The following DOCK10 variants were observed in gnomAD, a reference collection of about 807,000 sequenced individuals.
DOCK10 encodes the protein dedicator of cytokinesis protein 10.
Under a neutral mutation model 280.1 loss-of-function variants are expected in DOCK10, and 145 were observed. The ratio of observed to expected loss-of-function variants is 0.52; its 90% CI spans 0.45 to 0.59. DOCK10 has a LOEUF of 0.59. Among genes scored for constraint, DOCK10 ranks in the 20% least tolerant of loss-of-function variants. DOCK10 has a pLI of 0.00. For synonymous variants in DOCK10, 915 were observed against 942.2 expected (o/e 0.97, Z 0.53); for missense variants, 2,368 against 2,651.7 (o/e 0.89, Z 2.35).
intron 16 of DOCK10, among the ~76,000 whole-genome samples, chr2:224,854,675 G>T (rs1366407538): frequency 6.6e-6 from 1 of 152,172 alleles, no homozygotes; most frequent in Admixed American, 6.5e-5. Context: ...CTTGTTAGGT[G>T]CATGGTGCAT....
In DOCK10 at chr2:224,852,377, C is replaced by CT; in HGVS notation, c.2141dup (p.Cys715ValfsTer31). ...GGGTCCCTTTGCTGACTTGGCTCAC[C>CT]TTCAGGGGCTTGGCACTTTCTTCAT... is the stretch of plus-strand genomic sequence containing the variant. On this transcript the variant is annotated frameshift_variant and splice_region_variant, in exon 18 of 56. Transcript: ENST00000258390. LOFTEE classifies it high-confidence loss of function. 1 of 1,569,626 alleles carries CT rather than the reference C, an allele frequency of 6.4e-7. No individual in the cohort carries two copies. Among genetic ancestry groups the CT allele is most frequent in the South Asian group, 1.2e-5 (1 of 85,124 alleles).
chr2:224,946,840 T>C, intron 1 of DOCK10: 1 of 1,514,184 alleles, frequency 6.6e-7, no homozygotes, highest in Non-Finnish European at 8.8e-7. Flanking sequence ...GACATTTGGA[T>C]ACCTACAGAA....
At chr2:224,877,009 A>T (rs1698669766) in intron 7 of DOCK10, among the ~76,000 whole-genome samples, 1 of 152,178 alleles carries the variant, frequency 6.6e-6, no homozygotes, top group South Asian at 2.1e-4. Context: ...CAACCCACAA[A>T]GCCTTTTTCT....
At chr2:224,809,829 T>G (rs1179585117) in intron 31 of DOCK10, among the ~76,000 whole-genome samples, 1 of 151,960 alleles carries the variant, frequency 6.6e-6, no homozygotes, top group East Asian at 1.9e-4. Flanking sequence ...GATCTAGCAA[T>G]CCAACTTCTG....
intron 1 of DOCK10, among the ~76,000 whole-genome samples, chr2:224,988,470 T>G (rs1022009514): frequency 3.9e-5 from 6 of 152,204 alleles, no homozygotes; most frequent in Non-Finnish European, 8.8e-5. Flanking sequence ...TCGGGATACA[T>G]GTACACCTCC....
At chr2:224,936,335 T>C (rs1392006811) in intron 1 of DOCK10, among the ~76,000 whole-genome samples, 1 of 152,116 alleles carries the variant, frequency 6.6e-6, no homozygotes, top group South Asian at 2.1e-4. Flanking sequence ...CAAGCACTGG[T>C]ACAAAAGGAA....
chr2:224,807,891 G>A lies in DOCK10; in HGVS notation c.3585+20C>T. The A allele has an allele frequency of 1.9e-6, 3 of 1,605,048 alleles. No homozygotes were observed. Among genetic ancestry groups the A allele is most frequent in the East Asian group, 4.5e-5 (2 of 44,652 alleles). The stretch of plus-strand genomic sequence containing the variant: ...GCCATTAAATGGTGTTTAGGGAAGG[G>A]AGAAAGGAAGATCACTTACTGGCTC... On this transcript the variant is annotated intron_variant, in intron 32 of 55. Coordinates refer to ENST00000258390, the MANE Select transcript of DOCK10 (RefSeq NM_014689.3).
chr2:224,913,258 T>C (rs1162487765), intron 3 of DOCK10, among the ~76,000 whole-genome samples: 1 of 152,184 alleles, frequency 6.6e-6, no homozygotes, highest in Non-Finnish European at 1.5e-5. Context: ...TCTTTCACTA[T>C]ATTGTTATTA....
intron 14 of DOCK10, chr2:224,860,728 C>T (rs1197508320): frequency 6.6e-6 from 1 of 151,942 alleles, no homozygotes; most frequent in Admixed American, 6.6e-5. Flanking sequence ...TGTATGCTAC[C>T]ACCCTTGGTT....
Position 224,917,454 on chromosome 2 carries a change from A to G in DOCK10, c.244-670T>C, listed in dbSNP as rs137953096. Reference sequence around the variant, plus strand: ...CTTACAAAGTCAGCATTATTTTAATAATATCGTAAATAATCTCAAATATCA... The same window carrying G: ...CTTACAAAGTCAGCATTATTTTAATGATATCGTAAATAATCTCAAATATCA... On this transcript the variant is annotated intron_variant, in intron 2 of 55. Transcript: ENST00000258390. Among the ~76,000 whole-genome samples the G allele has an allele frequency of 2.1e-3, 320 of 152,262 alleles. 2 individuals are homozygous for G. The Middle Eastern group carries it at 0.031, about 15-fold the overall frequency.
chr2:224,877,111 G>A (rs1438413439), intron 7 of DOCK10, among the ~76,000 whole-genome samples: 1 of 152,182 alleles, frequency 6.6e-6, no homozygotes, highest in Non-Finnish European at 1.5e-5. Flanking sequence ...GCGCTCAAAA[G>A]CATAGTGAGC....
rs1305176129 is a variant in DOCK10, at chr2:224,789,059, C to G, written c.5418+5G>C. ...TTACTGTACATGAGATAATTTTGGT[C>G]TAACCTCATTGTATGGTGTATCTTG... On this transcript the variant is annotated splice_donor_5th_base_variant and intron_variant, in intron 48 of 55. Coordinates refer to ENST00000258390, the MANE Select transcript of DOCK10 (RefSeq NM_014689.3). 2 of 1,603,112 alleles carry G rather than the reference C, an allele frequency of 1.2e-6. No homozygotes were observed. The highest frequency in any genetic ancestry group is 1.7e-6 in the Non-Finnish European group (2 of 1,170,760).
chr2:224,947,406 A>C (rs977518442), intron 1 of DOCK10, among the ~76,000 whole-genome samples: 1 of 152,226 alleles, frequency 6.6e-6, no homozygotes, highest in African/African-American at 2.4e-5. Flanking sequence ...GAGGTCTGAG[A>C]ATTGTGTTTA....
In DOCK10 at chr2:224,796,376, A is replaced by G; in HGVS notation, c.4878T>C (p.Ser1626=). The change falls in exon 44 of 56, where the codon TCT becomes TCC. Residue 1626 remains serine (S), a synonymous_variant. Coordinates refer to ENST00000258390, the MANE Select transcript of DOCK10 (RefSeq NM_014689.3). ...QLIADAGIGG[S]RFQHSLAITN... is the part of the protein sequence containing the mutation. ...TAATTGCAAGCGAATGTTGAAACCG[A>G]GAGCCTCCAATCCCAGCATCGGCTA... 6.4e-7 allele frequency: 1 copy of G among 1,574,264 alleles called. No homozygotes were observed. Among genetic ancestry groups the G allele is most frequent in the Non-Finnish European group, 8.6e-7 (1 of 1,158,558 alleles).
At chr2:224,947,061 G>A (rs1575100835) in intron 1 of DOCK10, 1 of 1,411,294 alleles carries the variant, frequency 7.1e-7, no homozygotes, top group East Asian at 2.8e-5. Context: ...GGTAAAAAGG[G>A]AAATGCTCAT....
intron 1 of DOCK10, among the ~76,000 whole-genome samples, chr2:225,005,000 G>A (rs1426012868): frequency 6.6e-6 from 1 of 152,116 alleles, no homozygotes; most frequent in Non-Finnish European, 1.5e-5. Flanking sequence ...AATCTATAAA[G>A]AGCCTAAAAT....
chr2:224,992,024 C>A (rs1706140296), intron 1 of DOCK10, among the ~76,000 whole-genome samples: 2 of 152,088 alleles, frequency 1.3e-5, no homozygotes, highest in Non-Finnish European at 2.9e-5. Context: ...TCCAAGTGGC[C>A]TTGGGTTCAG....
chr2:224,912,780 C>CT (rs1287345270), intron 3 of DOCK10, among the ~76,000 whole-genome samples: 3 of 152,084 alleles, frequency 2.0e-5, no homozygotes, highest in Non-Finnish European at 4.4e-5. Context: ...AATCCCAGCA[C>CT]TTTGGGAGGC....
chr2:224,905,220 C>T (rs1457407744), intron 3 of DOCK10, among the ~76,000 whole-genome samples: 1 of 151,012 alleles, frequency 6.6e-6, no homozygotes, highest in Non-Finnish European at 1.5e-5. Context: ...GATCAATAAA[C>T]GGCCTATGGA....
Sources: allele counts gnomAD v4.1 joint callset (sites outside exome capture counted in the v4.1 genomes callset), GRCh38; gene constraint gnomAD v4.1.1; transcripts MANE v1.5; gene names NCBI Gene and HGNC (gene_info 2026-07-23, HGNC 2026-07-21).